LSS: variants seen among roughly 807,000 people sequenced by gnomAD.
The protein encoded by LSS is 2,3-epoxysqualene-lanosterol cyclase.
Under a neutral mutation model 110.3 loss-of-function variants are expected in LSS, and 90 were observed. The observed-to-expected ratio is 0.82, with a 90% confidence interval of 0.69 to 0.97. LSS has a LOEUF of 0.97. Among genes scored for constraint, LSS ranks in the 50% least tolerant of loss-of-function variants. The pLI is 0.00. For synonymous variants in LSS, 433 were observed against 400.0 expected, an observed-to-expected ratio of 1.08 and a Z score of -0.98; for missense variants, 927 against 990.0, an observed-to-expected ratio of 0.94 and a Z score of 0.85.
intron 17 of LSS, among the ~76,000 whole-genome samples, chr21:46,198,424 C>G (rs1216828616): frequency 6.6e-6 from 1 of 152,050 alleles, no homozygotes; most frequent in East Asian, 1.9e-4. Flanking sequence ...ATGAAAACTA[C>G]AAAATTCTGA....
At position 46,207,534 on chromosome 21, in the gene LSS, G is replaced by C; in HGVS notation, c.1361C>G (p.Ser454Cys). ...FSTLDCGWIV[S>C]DCTAEALKAV... The stretch of plus-strand genomic sequence containing the variant: ...CTTCAAGGCCTCAGCCGTGCAGTCA[G>C]AAACGATCCAGCCGCAGTCCAGCGT... Residue 454 changes from serine (S) to cysteine (C), a missense_variant, in exon 15 of 22, where the codon TCT becomes TGT. Physicochemically the swap from Ser to Cys is moderately radical, Grantham distance 112 (BLOSUM62 -1). Coordinates refer to ENST00000397728, the MANE Select transcript of LSS (RefSeq NM_002340.6). 6.2e-7 allele frequency: 1 copy of C among 1,611,548 alleles called. No individual in the cohort carries two copies. The highest frequency in any genetic ancestry group is 8.5e-7 in the Non-Finnish European group (1 of 1,179,240).
rs181058111 is a variant in LSS, at chr21:46,208,647, A to G, written c.1267-346T>C. Among the ~76,000 whole-genome samples, 7 of 152,268 alleles carry G rather than the reference A, an allele frequency of 4.6e-5. No individual in the cohort carries two copies. The East Asian group carries it at 1.4e-3, about 29-fold the overall frequency. On this transcript the variant is annotated intron_variant, in intron 13 of 21. Transcript: ENST00000397728. ...GGTGTGCTCTGTGCCAGGCGCCCCC[A>G]ATGCCTCCTGAACAACCTCAGCTTC...
At chr21:46,202,169 C>A (rs1254001672) in intron 17 of LSS, among the ~76,000 whole-genome samples, 2 of 138,002 alleles carry the variant, frequency 1.4e-5, no homozygotes, top group Admixed American at 7.0e-5. Context: ...CCGAGGCGGG[C>A]GGATCACGAG....
intron 17 of LSS, among the ~76,000 whole-genome samples, chr21:46,203,061 T>C (rs750226004): frequency 1.3e-5 from 2 of 152,188 alleles, no homozygotes; most frequent in Admixed American, 6.5e-5. Context: ...TCTGTGAGGC[T>C]GTACTGTTGC....
chr21:46,222,584 A>C, intron 4 of LSS, 46 bp downstream of exon 4: 1 of 1,535,508 alleles, frequency 6.5e-7, no homozygotes, highest in Non-Finnish European at 9.0e-7. Context: ...CATCATGAGA[A>C]CACACACATG....
intron 5 of LSS, among the ~76,000 whole-genome samples, chr21:46,220,634 C>G (rs754851852): frequency 2.6e-4 from 39 of 152,350 alleles, no homozygotes; most frequent in Non-Finnish European, 4.1e-4. Context: ...AAGACCAGGC[C>G]AGGCTCTGCA....
At chr21:46,220,116 C>CA (rs1295013400) in intron 5 of LSS, among the ~76,000 whole-genome samples, 1 of 152,238 alleles carries the variant, frequency 6.6e-6, no homozygotes, top group Non-Finnish European at 1.5e-5. Flanking sequence ...TCAGCAGCAG[C>CA]AGTCCTGGCA....
intron 5 of LSS, among the ~76,000 whole-genome samples, chr21:46,221,274 C>CA (rs2080276512): frequency 6.6e-6 from 1 of 152,126 alleles, no homozygotes; most frequent in African/African-American, 2.4e-5. Context: ...AGGCTGCCCC[C>CA]AGAAGGTGGA....
At chr21:46,220,090 C>T (rs1451021389) in intron 5 of LSS, among the ~76,000 whole-genome samples, 4 of 152,214 alleles carry the variant, frequency 2.6e-5, no homozygotes, top group Non-Finnish European at 5.9e-5. Context: ...CACGCTGGCC[C>T]CATGCCAGAG....
chr21:46,192,784 A>G (rs1234912740), intron 20 of LSS: 4 of 413,454 alleles, frequency 9.7e-6, no homozygotes, highest in East Asian at 1.7e-4. Flanking sequence ...GCATGTGTAC[A>G]TGTGTGCATA....
At chr21:46,228,654 C>A in intron 1 of LSS, 55 bp from the exon 2 acceptor site, 1 of 1,596,666 alleles carries the variant, frequency 6.3e-7, no homozygotes, top group Non-Finnish European at 8.5e-7. Flanking sequence ...CGGCCGCCGG[C>A]CCACTGCCCC....
At position 46,227,688 on chromosome 21, in the gene LSS, C is replaced by T. The variant is rs1161256886; in HGVS notation, c.183G>A (p.Lys61=). 6.2e-7 allele frequency: 1 copy of T among 1,602,964 alleles called. No individual in the cohort carries two copies. The highest frequency in any genetic ancestry group is 1.1e-5 in the South Asian group (1 of 90,138). ...LEAYALGLDT[K]NYFKDLPKAH... ...CTTTGGGCAAGTCCTTAAAGTAATT[C>T]TTCTGCAAAGAGATCGAAAAAAAAA... is the stretch of plus-strand genomic sequence containing the variant. Residue 61 remains lysine, a splice_region_variant and synonymous_variant, in exon 3 of 22, where the codon AAG becomes AAA. Transcript: ENST00000397728.
At chr21:46,222,819 T>A in intron 3 of LSS, 81 bp from the exon 4 acceptor site, 1 of 1,020,252 alleles carries the variant, frequency 9.8e-7, no homozygotes, top group Non-Finnish European at 1.5e-6. Context: ...CCTGAGCACC[T>A]CACTCCAACA....
chr21:46,208,256 G>A lies in LSS; in HGVS notation c.1312C>T (p.Arg438Cys), dbSNP rs142026899. ...PDYQKYYRQM[R>C]KGGFSFSTLD... ...TGGGGCTGGCTCCCGCATACCTTGCGCATCTGGCGGTAGTACTTCTGGTAG... is the reference window on the plus strand; with the variant it reads ...TGGGGCTGGCTCCCGCATACCTTGCACATCTGGCGGTAGTACTTCTGGTAG... The change falls in exon 14 of 22, where the codon CGC (arginine) becomes TGC (cysteine). Residue 438 changes from arginine to cysteine, a missense_variant. Transcript: ENST00000397728. 11 of 1,552,258 alleles carry A rather than the reference G, an allele frequency of 7.1e-6. No individual in the cohort carries two copies. In the Admixed American group the frequency reaches 7.8e-5, roughly 11 times the overall value.
Position 46,213,938 on chromosome 21 carries a change from C to T in LSS, c.1012-103G>A, listed in dbSNP as rs904425302. 66 of 793,290 alleles carry T rather than the reference C, an allele frequency of 8.3e-5. No individual in the cohort carries two copies. The African/African-American group carries it at 9.4e-4, about 11-fold the overall frequency. The allele number at this position is 793,290 out of a possible 1,614,324, so 49.1% of individuals were successfully genotyped here. A position where few individuals can be genotyped will look rare whatever the true frequency, so the allele number is the denominator to read the frequency against. ...ACAGCAGCCCCCAGGCATAAAGTGC[C>T]GTGCAGATCACTCAGGGCCAGGACA... On this transcript the variant is annotated intron_variant, in intron 9 of 21. Coordinates refer to ENST00000397728, the MANE Select transcript of LSS (RefSeq NM_002340.6).
intron 17 of LSS, among the ~76,000 whole-genome samples, chr21:46,198,282 AG>A (rs1181883354): frequency 1.6e-3 from 228 of 141,612 alleles, no homozygotes; most frequent in African/African-American, 5.7e-3. Context: ...AAAAAAAAAA[AG>A]GGTCAGTTGT....
Position 46,209,424 on chromosome 21 carries a change from TG to T in LSS, c.1266+129del, listed in dbSNP as rs2080097664. ...AGGGGCTAGGGAGGGGATGGGAGGGTGGGGGTGACCTGAAACACCAGTGCAG... is the reference window on the plus strand; with the variant it reads ...AGGGGCTAGGGAGGGGATGGGAGGGTGGGGTGACCTGAAACACCAGTGCAG... On this transcript the variant is annotated intron_variant, in intron 13 of 21. Coordinates refer to ENST00000397728, the MANE Select transcript of LSS (RefSeq NM_002340.6). The surrounding 1 kb of genome is among the most constrained non-coding windows in gnomAD (Gnocchi z 4.4). 3.9e-6 allele frequency: 3 copies of T among 776,198 alleles called. No homozygotes were observed. The highest frequency in any genetic ancestry group is 2.8e-5 in the Admixed American group (1 of 35,746). The allele number at this position is 776,198 out of a possible 1,614,324, so 48.1% of individuals were successfully genotyped here. A position where few individuals can be genotyped will look rare whatever the true frequency, so the allele number is the denominator to read the frequency against.
chr21:46,228,419 G>A lies in LSS; in HGVS notation c.180+15C>T, dbSNP rs752288727. ...AGGGTCCCGAGCTCGCTGACGCTCC[G>A]CGGAAGCAACTTACGGTGTCCAGCC... On this transcript the variant is annotated intron_variant, in intron 2 of 21. Transcript: ENST00000397728. 5.6e-6 allele frequency: 9 copies of A among 1,599,584 alleles called. No homozygotes were observed. In the South Asian group the frequency reaches 9.9e-5, roughly 18 times the overall value.
intron 5 of LSS, among the ~76,000 whole-genome samples, chr21:46,220,677 A>C (rs1017004526): frequency 1.3e-5 from 2 of 152,252 alleles, no homozygotes; most frequent in Admixed American, 6.5e-5. Flanking sequence ...TTCTTGGAGC[A>C]GCAGGAGCCA....
Sources: gnomAD v4.1 joint callset for allele counts (sites outside exome capture counted in the v4.1 genomes callset) on GRCh38, gnomAD v4.1.1 for gene constraint, Gnocchi (gnomAD v3.1) non-coding constraint, MANE v1.5 for transcripts, NCBI Gene and HGNC (gene_info 2026-07-23, HGNC 2026-07-21) for gene names.